Variants in TMEM117 observed in about 807,000 individuals in gnomAD.
TMEM117 encodes the protein transmembrane protein 117.
TMEM117 carries 27 observed loss-of-function variants against 52.4 expected under a neutral mutation model. That is an observed-to-expected ratio of 0.51 (90% CI 0.38 to 0.71). The LOEUF (loss-of-function observed/expected upper bound fraction) is 0.71, where lower values mean the gene tolerates loss of function less well. Ranked by LOEUF, TMEM117 falls within the 30% of genes least tolerant of loss-of-function variation. The pLI, the probability that TMEM117 is intolerant of heterozygous loss-of-function variation, is 0.00. For missense variants in TMEM117, 556 were observed against 630.5 expected (o/e 0.88, Z 1.26); for synonymous variants, 215 against 206.3 (o/e 1.04, Z -0.36).
intron 2 of TMEM117, among the ~76,000 whole-genome samples, chr12:43,913,147 A>G (rs1944543940): frequency 6.6e-6 from 1 of 152,130 alleles, no homozygotes; most frequent in Non-Finnish European, 1.5e-5. Context: ...TAAACACGCT[A>G]CATTTATTTA....
At chr12:44,317,115 A>T (rs187400502) in intron 6 of TMEM117, among the ~76,000 whole-genome samples, 3 of 140,900 alleles carry the variant, frequency 2.1e-5, no homozygotes, top group African/African-American at 5.3e-5. Flanking sequence ...TTAGTCAGGG[A>T]CCATTGCTGG....
chr12:44,318,923 A>C (rs1951094779), intron 6 of TMEM117, among the ~76,000 whole-genome samples: 1 of 152,226 alleles, frequency 6.6e-6, no homozygotes, highest in Non-Finnish European at 1.5e-5. Context: ...GGTGAGCAGG[A>C]TGGAGCTCCC....
chr12:44,381,037 C>T (rs1451595870), intron 7 of TMEM117, among the ~76,000 whole-genome samples: 6 of 152,128 alleles, frequency 3.9e-5, no homozygotes, highest in African/African-American at 1.4e-4. Flanking sequence ...TTTATTTATG[C>T]ATGTCAGAAA....
At chr12:44,359,275 A>G (rs539701029) in intron 6 of TMEM117, among the ~76,000 whole-genome samples, 23 of 152,142 alleles carry the variant, frequency 1.5e-4, no homozygotes, top group South Asian at 6.2e-4. Flanking sequence ...ATATATATAT[A>G]TGTGTGCACA....
chr12:43,828,520 A>T, the TMEM117 span, among the ~76,000 whole-genome samples: 9 of 152,232 alleles, frequency 5.9e-5, no homozygotes, highest in Non-Finnish European at 1.2e-4. Flanking sequence ...CTTCCGGTCC[A>T]TGGGGAGAGG....
Position 44,380,749 on chromosome 12 carries a change from A to G in TMEM117, c.898+4025A>G, listed in dbSNP as rs1040383087. Among the ~76,000 whole-genome samples the G allele has an allele frequency of 2.0e-5, 3 of 152,182 alleles. No homozygotes were observed. In the South Asian group the frequency reaches 6.2e-4, roughly 32 times the overall value. On this transcript the variant is annotated intron_variant, in intron 7 of 7. Transcript: ENST00000266534. ...AAGCTTTCACTGTTTTTTTACTTAA[A>G]GCTTTTCCTTTCATCTGGCCAGAGA...
At chr12:43,970,867 A>G in intron 3 of TMEM117, among the ~76,000 whole-genome samples, 1 of 152,006 alleles carries the variant, frequency 6.6e-6, no homozygotes, top group East Asian at 1.9e-4. Flanking sequence ...GTCTTTATGC[A>G]GGAGATTCTA....
chr12:44,334,755 G>T (rs138286841), intron 6 of TMEM117, among the ~76,000 whole-genome samples: 2 of 151,936 alleles, frequency 1.3e-5, no homozygotes, highest in Non-Finnish European at 2.9e-5. Context: ...TGGAATAGTG[G>T]CCACCACACT....
chr12:43,994,604 A>G (rs2137759167), intron 3 of TMEM117, among the ~76,000 whole-genome samples: 1 of 152,248 alleles, frequency 6.6e-6, no homozygotes, highest in African/African-American at 2.4e-5. Context: ...CAATAGTTAC[A>G]TGGTCCAAAC....
intron 2 of TMEM117, among the ~76,000 whole-genome samples, chr12:43,853,070 G>A (rs1385026414): frequency 1.3e-5 from 2 of 151,260 alleles, no homozygotes; most frequent in African/African-American, 4.9e-5. Context: ...CCAAACATGT[G>A]TTTGCTTATA....
intron 5 of TMEM117, among the ~76,000 whole-genome samples, chr12:44,285,817 T>G (rs1322078512): frequency 6.6e-6 from 1 of 152,232 alleles, no homozygotes; most frequent in African/African-American, 2.4e-5. Flanking sequence ...GTACTTAGTG[T>G]TCACAGGCAA....
At chr12:44,318,302 TTGTC>T (rs1951085497) in intron 6 of TMEM117, 1 of 152,188 alleles carries the variant, frequency 6.6e-6, no homozygotes, top group Non-Finnish European at 1.5e-5. Flanking sequence ...AGTGCTCTGA[TTGTC>T]TGGAGATCTG....
rs1294164940 is a variant in TMEM117 at position 43,986,470 on chromosome 12, CT to C, written c.410+42129del. ...TGTTGTCCTATGGCATCTATTATTG[CT>C]GATGTCTTTATGATTTTTTTCCTTC... On this transcript the variant is annotated intron_variant, in intron 3 of 7. Transcript: ENST00000266534. 3.4e-4 allele frequency among the ~76,000 whole-genome samples: 52 copies of C among 152,156 alleles called. 2 individuals carry two copies. Among genetic ancestry groups the C allele is most frequent in the African/African-American group, 1.2e-3 (48 of 41,532 alleles).
intron 5 of TMEM117, among the ~76,000 whole-genome samples, chr12:44,243,895 CCTGA>C (rs1352473885): frequency 5.3e-5 from 8 of 152,026 alleles, no homozygotes; most frequent in Middle Eastern, 3.4e-3. Flanking sequence ...TCTTTCTGCG[CCTGA>C]CTTATTTCAC....
In TMEM117 at chr12:44,059,150, G is replaced by A. The variant is rs79269422; in HGVS notation, c.411-84375G>A. Among the ~76,000 whole-genome samples the A allele has an allele frequency of 1.9e-3, 291 of 152,308 alleles. 5 individuals are homozygous for A. In the East Asian group the frequency reaches 0.037, roughly 19 times the overall value. On this transcript the variant is annotated intron_variant, in intron 3 of 7. Coordinates refer to ENST00000266534, the MANE Select transcript of TMEM117 (RefSeq NM_032256.3). ...AAGTGGAGCTCAGGTGGTAATGCTC[G>A]TTGGCATGCAGCTCACCTCCTGCTT...
At chr12:44,368,947 A>G (rs1016657657) in intron 6 of TMEM117, among the ~76,000 whole-genome samples, 2 of 152,080 alleles carry the variant, frequency 1.3e-5, no homozygotes, top group African/African-American at 2.4e-5. Flanking sequence ...ACTGATGAAG[A>G]TGATCTAAGA....
intron 5 of TMEM117, chr12:44,263,386 A>G (rs541056186): frequency 1.3e-5 from 2 of 152,330 alleles, no homozygotes; most frequent in African/African-American, 2.4e-5. Flanking sequence ...AGAAATAGGA[A>G]TGCTTTTACA....
intron 6 of TMEM117, among the ~76,000 whole-genome samples, chr12:44,322,822 GC>G (rs1422899967): frequency 6.6e-6 from 1 of 151,904 alleles, no homozygotes; most frequent in African/African-American, 2.4e-5. Context: ...CCGCTGGCCG[GC>G]CCCCCACCAA....
rs559219580 is a variant in TMEM117 at position 43,873,509 on chromosome 12, A to G, written c.277+28581A>G. ...ATTAATTTTAATACCAAAATGCAAT[A>G]AAACACATTTAGCTATCTTCTTGCT... On this transcript the variant is annotated intron_variant, in intron 2 of 7. Transcript: ENST00000266534. 3.9e-5 allele frequency among the ~76,000 whole-genome samples: 6 copies of G among 152,300 alleles called. No homozygotes were observed. The South Asian group carries it at 1.2e-3, about 32-fold the overall frequency.
Sources: allele counts gnomAD v4.1 joint callset (sites outside exome capture counted in the v4.1 genomes callset), GRCh38; gene constraint gnomAD v4.1.1; transcripts MANE v1.5; gene names NCBI Gene and HGNC (gene_info 2026-07-23, HGNC 2026-07-21).